Variants in LRRC9 observed in about 807,000 individuals in gnomAD.
LRRC9 encodes leucine-rich repeat-containing protein 9.
LRRC9 carries 122 observed loss-of-function variants against 63.2 expected under a neutral mutation model. The ratio of observed to expected loss-of-function variants is 1.93; its 90% CI spans 1.67 to 2.24. LRRC9 has a LOEUF of 2.24. LRRC9 is among the 30% of genes most tolerant of loss of function. The pLI is 0.00. For missense variants in LRRC9, 1,071 were observed against 627.7 expected (o/e 1.71, Z -7.55); for synonymous variants, 366 against 213.1 (o/e 1.72, Z -6.25).
rs1891989426 is a variant in LRRC9 at position 60,031,517 on chromosome 14, G to A, written c.3922-478G>A. ...AGAGAAGGCAAATTATTTAACATGA[G>A]AAATAGTTTTTCAGCTATATATATT... On this transcript the variant is annotated intron_variant, in intron 28 of 31. Coordinates refer to ENST00000445360, the Ensembl canonical transcript of LRRC9. The surrounding 1 kb of genome is among the most constrained non-coding windows in gnomAD (Gnocchi z 4.6). 6.6e-6 allele frequency among the ~76,000 whole-genome samples: 1 copy of A among 152,034 alleles called. No homozygotes were observed. The highest frequency in any genetic ancestry group is 2.1e-4 in the South Asian group (1 of 4,836).
At chr14:60,039,041 G>T (rs554855970) in intron 29 of LRRC9, among the ~76,000 whole-genome samples, 9 of 152,120 alleles carry the variant, frequency 5.9e-5, no homozygotes, top group Non-Finnish European at 1.3e-4. Flanking sequence ...TTTGTCCTTG[G>T]TTCTGTTTAT....
chr14:60,019,815 C>G (rs1890979388), intron 26 of LRRC9, among the ~76,000 whole-genome samples: 2 of 150,912 alleles, frequency 1.3e-5, no homozygotes, highest in Non-Finnish European at 3.0e-5. Context: ...CCTTCTACCT[C>G]CTTACACATT....
intron 21 of LRRC9, 36 bp from the exon 22 acceptor site, chr14:60,006,361 A>G (rs1020679566): frequency 1.9e-5 from 13 of 668,536 alleles, no homozygotes; most frequent in African/African-American, 1.8e-4. Flanking sequence ...CTTTAGTGTT[A>G]TCTGAATCTT....
exon 32 of LRRC9, chr14:60,063,348 T>C (rs1894778972): frequency 2.9e-6 from 2 of 701,112 alleles, no homozygotes; most frequent in Non-Finnish European, 2.6e-6. Flanking sequence ...CTTTCCAAGA[T>C]CAAATCGAAT....
chr14:59,969,264 ATCC>A (rs1485493151), intron 12 of LRRC9: 2 of 152,008 alleles, frequency 1.3e-5, no homozygotes, highest in Non-Finnish European at 2.9e-5. Context: ...CACTATTGTT[ATCC>A]TCCTATTTTT....
chr14:59,997,700 C>T lies in LRRC9; in HGVS notation c.2256C>T (p.Thr752=), dbSNP rs35350584. The T allele has an allele frequency of 3.8e-4, 264 of 702,070 alleles. 1 individual carries two copies. In the African/African-American group the frequency reaches 4.1e-3, roughly 11 times the overall value. 43.5% of individuals were successfully genotyped at this position (702,070 alleles called of 1,614,324 possible). The change falls in exon 18 of 32, where the codon ACC becomes ACT. Residue 752 remains threonine, a synonymous_variant. Coordinates refer to ENST00000445360, the Ensembl canonical transcript of LRRC9. ...ATGCAAGCCATAACCATGTGATAAC[C>T]CTTGAGGGATTTAGAGGTCTGATGA...
At chr14:59,976,518 G>C (rs929710289) in intron 13 of LRRC9, among the ~76,000 whole-genome samples, 1 of 152,044 alleles carries the variant, frequency 6.6e-6, no homozygotes, top group African/African-American at 2.4e-5. Context: ...ATAAAATTAA[G>C]CAGGTTATTG....
intron 20 of LRRC9, among the ~76,000 whole-genome samples, chr14:60,002,993 G>A (rs559084832): frequency 2.0e-5 from 3 of 152,330 alleles, no homozygotes; most frequent in African/African-American, 7.2e-5. Context: ...AACACTTGCA[G>A]CTTCTTGCTA....
At chr14:59,939,978 GA>G (rs1881583654) in intron 7 of LRRC9, among the ~76,000 whole-genome samples, 1 of 151,924 alleles carries the variant, frequency 6.6e-6, no homozygotes, top group South Asian at 2.1e-4. Flanking sequence ...GTCACCGAGG[GA>G]ATGGTATAGA....
At chr14:60,049,012 C>G (rs1397806317) in intron 29 of LRRC9, among the ~76,000 whole-genome samples, 1 of 152,104 alleles carries the variant, frequency 6.6e-6, no homozygotes, top group Non-Finnish European at 1.5e-5. Context: ...TCATCACATG[C>G]AAAGAACTAA....
In LRRC9 at chr14:59,986,945, A is replaced by G. The variant is rs1887533648; in HGVS notation, c.2211+1721A>G. ...ATGTCAAGTCTCTAAAAATGACTCT[A>G]AGGATATTAGAGGTGGCCAGAGAGA... On this transcript the variant is annotated intron_variant, in intron 17 of 31. Coordinates refer to ENST00000445360, the Ensembl canonical transcript of LRRC9. This position sits in a 1 kb window ranked among gnomAD's most constrained non-coding sequence, Gnocchi z 4.7. 6.6e-6 allele frequency among the ~76,000 whole-genome samples: 1 copy of G among 152,156 alleles called. No homozygotes were observed. Among genetic ancestry groups the G allele is most frequent in the Admixed American group, 6.5e-5 (1 of 15,274 alleles).
In LRRC9 at chr14:60,053,265, C is replaced by T; in HGVS notation, c.4131+60C>T. On this transcript the variant is annotated intron_variant, in intron 30 of 31. Coordinates refer to ENST00000445360, the Ensembl canonical transcript of LRRC9. This position sits in a 1 kb window ranked among gnomAD's most constrained non-coding sequence, Gnocchi z 4.8. ...AGCACATTAATGGTTAGTAAATGAACATTATATCTTTTGATTTAAATGTTT... is the reference window on the plus strand; with the variant it reads ...AGCACATTAATGGTTAGTAAATGAATATTATATCTTTTGATTTAAATGTTT... 1 of 651,710 alleles carries T rather than the reference C, an allele frequency of 1.5e-6. No individual in the cohort carries two copies. The highest frequency in any genetic ancestry group is 2.8e-6 in the Non-Finnish European group (1 of 359,940). 40.4% of individuals were successfully genotyped at this position (651,710 alleles called of 1,614,324 possible).
chr14:59,928,448 C>T lies in LRRC9; in HGVS notation c.229C>T (p.Gln77Ter). Residue 77 changes from glutamine to a stop codon, truncating the protein, a stop_gained, in exon 3 of 32, where the codon CAA becomes TAA. Transcript: ENST00000445360. LOFTEE classifies it high-confidence loss of function. ...AATTTCAGGGTTAGAGCCTTGTTTACAACTTAAAGAACTTTGGATTGCTGA... is the reference window on the plus strand; with the variant it reads ...AATTTCAGGGTTAGAGCCTTGTTTATAACTTAAAGAACTTTGGATTGCTGA... The T allele has an allele frequency of 1.4e-6, 1 of 694,264 alleles. No individual in the cohort carries two copies. The highest frequency in any genetic ancestry group is 2.6e-6 in the Non-Finnish European group (1 of 381,586). The allele number at this position is 694,264 out of a possible 1,614,324, so 43.0% of individuals were successfully genotyped here.
At chr14:60,002,066 C>T (rs1410187159) in exon 20 of LRRC9, 1 of 701,832 alleles carries the variant, frequency 1.4e-6, no homozygotes, top group Non-Finnish European at 2.6e-6. Flanking sequence ...AAGTTAGGAC[C>T]TCATTTACAT....
intron 8 of LRRC9, among the ~76,000 whole-genome samples, chr14:59,954,268 A>G (rs1436709399): frequency 6.6e-6 from 1 of 152,166 alleles, no homozygotes; most frequent in Non-Finnish European, 1.5e-5. Context: ...GACCATTTTC[A>G]CGATATTGAT....
At chr14:60,021,700 T>C (rs1891129187) in intron 26 of LRRC9, among the ~76,000 whole-genome samples, 1 of 151,860 alleles carries the variant, frequency 6.6e-6, no homozygotes, top group Non-Finnish European at 1.5e-5. Flanking sequence ...TATTTTTGTA[T>C]GTGGATATTC....
At position 60,003,433 on chromosome 14, in the gene LRRC9, G is replaced by A. The variant is rs1889554446; in HGVS notation, c.2665-188G>A. On this transcript the variant is annotated intron_variant, in intron 20 of 31. Transcript: ENST00000445360. The surrounding 1 kb of genome is among the most constrained non-coding windows in gnomAD (Gnocchi z 4.2). ...CTTAATACCATATAAGTCCTTCTTG[G>A]AGTTATAATCTCGTCAAATTTTACT... Among the ~76,000 whole-genome samples, 1 of 152,188 alleles carries A rather than the reference G, an allele frequency of 6.6e-6. No individual in the cohort carries two copies. The highest frequency in any genetic ancestry group is 1.5e-5 in the Non-Finnish European group (1 of 68,026).
chr14:59,966,366 A>G lies in LRRC9; in HGVS notation c.1212-223A>G, dbSNP rs960038255. ...CGTATGAAGTTTCCCTGAAGCTAAG[A>G]AAGTGTTTCAGAAAGTGAAGATTGC... On this transcript the variant is annotated intron_variant, in intron 10 of 31. Transcript: ENST00000445360. This position sits in a 1 kb window ranked among gnomAD's most constrained non-coding sequence, Gnocchi z 4.0. Among the ~76,000 whole-genome samples, 3 of 152,204 alleles carry G rather than the reference A, an allele frequency of 2.0e-5. No individual in the cohort carries two copies. Among genetic ancestry groups the G allele is most frequent in the African/African-American group, 7.2e-5 (3 of 41,450 alleles).
In LRRC9 at chr14:59,947,466, A is replaced by G. The variant is rs574951344; in HGVS notation, c.882+2722A>G. 5.3e-4 allele frequency among the ~76,000 whole-genome samples: 65 copies of G among 122,698 alleles called. 2 individuals are homozygous for G. The highest frequency in any genetic ancestry group is 7.7e-3 in the Middle Eastern group (2 of 260). The allele number at this position is 122,698 out of a possible 152,430, so 80.5% of individuals were successfully genotyped here. A position where few individuals can be genotyped will look rare whatever the true frequency, so the allele number is the denominator to read the frequency against. Reference sequence around the variant, plus strand: ...CTCCCATGTTGTAGGTTGCCTGTTCACTCTAATGGTAGTTTCTTTTGCTGT... The same window carrying G: ...CTCCCATGTTGTAGGTTGCCTGTTCGCTCTAATGGTAGTTTCTTTTGCTGT... On this transcript the variant is annotated intron_variant, in intron 8 of 31. Transcript: ENST00000445360.
Sources: allele counts gnomAD v4.1 joint callset (sites outside exome capture counted in the v4.1 genomes callset), GRCh38; gene constraint gnomAD v4.1.1; non-coding constraint Gnocchi (gnomAD v3.1); transcripts MANE v1.5; gene names NCBI Gene and HGNC (gene_info 2026-07-23, HGNC 2026-07-21).